The following CCDC6 variants were observed in gnomAD, a reference collection of about 807,000 sequenced individuals.
CCDC6 encodes coiled-coil domain containing 6, also known as coiled-coil domain-containing protein 6.
A neutral mutation model predicts 56.6 loss-of-function variants in CCDC6; 20 were observed. The ratio of observed to expected loss-of-function variants is 0.35; its 90% CI spans 0.25 to 0.51. CCDC6 has a LOEUF of 0.51. Among genes scored for constraint, CCDC6 ranks in the 20% least tolerant of loss-of-function variants. The probability of loss-of-function intolerance (pLI) is 0.95; values close to 1 mark genes in which losing one functional copy is unlikely to be tolerated. For synonymous variants in CCDC6, 241 were observed against 234.4 expected (o/e 1.03, Z -0.26); for missense variants, 367 against 601.1 (o/e 0.61, Z 4.07).
At chr10:59,883,821 T>A in intron 1 of CCDC6, among the ~76,000 whole-genome samples, 1 of 152,234 alleles carries the variant, frequency 6.6e-6, no homozygotes, top group Non-Finnish European at 1.5e-5. Flanking sequence ...GAGCCTGCTT[T>A]AAGAAACTCT....
Position 59,790,828 on chromosome 10 carries a change from T to C in CCDC6, c.*2089A>G, listed in dbSNP as rs1227848221. On this transcript the variant is annotated 3_prime_UTR_variant, in exon 9 of 9. Transcript: ENST00000263102. ...TTCAACATATGGCAATGTTTTAATT[T>C]TTGTGCTTTCAAGAGGTAACTAAAT... is the stretch of plus-strand genomic sequence containing the variant. 1.9e-5 allele frequency: 4 copies of C among 212,672 alleles called. No homozygotes were observed. 13.2% of individuals were successfully genotyped at this position (212,672 alleles called of 1,614,324 possible).
intron 5 of CCDC6, among the ~76,000 whole-genome samples, chr10:59,807,572 A>G (rs1320054534): frequency 6.6e-6 from 1 of 152,218 alleles, no homozygotes; most frequent in East Asian, 1.9e-4. Flanking sequence ...CTCAAGTATA[A>G]AAGTTTACCA....
At chr10:59,893,418 G>A (rs1033693149) in intron 1 of CCDC6, among the ~76,000 whole-genome samples, 1 of 152,036 alleles carries the variant, frequency 6.6e-6, no homozygotes, top group Non-Finnish European at 1.5e-5. Context: ...GGGCAACCAT[G>A]TGAAACCATG....
rs563848975 is a variant in CCDC6 at position 59,905,569 on chromosome 10, G to T, written c.303+553C>A. On this transcript the variant is annotated intron_variant, in intron 1 of 8. Transcript: ENST00000263102. ...TACCCGCCCTTCCCTCTCGATCCCG[G>T]CCAGAAAACTCCACTTCCCGGATTC... 2.0e-5 allele frequency among the ~76,000 whole-genome samples: 3 copies of T among 152,186 alleles called. No individual in the cohort carries two copies. In the South Asian group the frequency reaches 6.2e-4, roughly 32 times the overall value.
chr10:59,886,467 T>C (rs1377970788), intron 1 of CCDC6, among the ~76,000 whole-genome samples: 1 of 152,220 alleles, frequency 6.6e-6, no homozygotes, highest in African/African-American at 2.4e-5. Flanking sequence ...TTTAAAAGAA[T>C]ATCTGGCATC....
chr10:59,852,478 G>A, intron 2 of CCDC6, 75 bp downstream of exon 2: 1 of 1,217,278 alleles, frequency 8.2e-7, no homozygotes, highest in East Asian at 2.5e-5. Flanking sequence ...TACAAGCAAA[G>A]TGCTATATCA....
intron 2 of CCDC6, among the ~76,000 whole-genome samples, chr10:59,847,537 G>A (rs1160122284): frequency 6.6e-6 from 1 of 152,104 alleles, no homozygotes; most frequent in African/African-American, 2.4e-5. Context: ...GGGGGGTTCA[G>A]TGCACTGCTG....
intron 3 of CCDC6, among the ~76,000 whole-genome samples, chr10:59,818,708 T>C (rs901410292): frequency 6.6e-6 from 1 of 152,132 alleles, no homozygotes; most frequent in Non-Finnish European, 1.5e-5. Flanking sequence ...CAGGATTGGG[T>C]CCTGCTTTGT....
rs138045662 is a variant in CCDC6 at position 59,798,908 on chromosome 10, C to T, written c.1106-4311G>A. Among the ~76,000 whole-genome samples, 394 of 145,828 alleles carry T rather than the reference C, an allele frequency of 2.7e-3. 4 individuals are homozygous for T. Among genetic ancestry groups the T allele is most frequent in the African/African-American group, 9.0e-3 (352 of 39,234 alleles). The stretch of plus-strand genomic sequence containing the variant: ...ACTCAGGAGGCTGAGGCAGGAGAAT[C>T]GCTTGAATCTGGGAGGTGGAGTTTA... On this transcript the variant is annotated intron_variant, in intron 7 of 8. Coordinates refer to ENST00000263102, the MANE Select transcript of CCDC6 (RefSeq NM_005436.5).
intron 2 of CCDC6, among the ~76,000 whole-genome samples, chr10:59,852,348 G>A (rs570940595): frequency 1.3e-5 from 2 of 152,254 alleles, no homozygotes; most frequent in East Asian, 3.9e-4. Context: ...GTACAAAATA[G>A]CTTACCTAAC....
chr10:59,840,918 T>C (rs931692701), intron 2 of CCDC6, among the ~76,000 whole-genome samples: 2 of 152,232 alleles, frequency 1.3e-5, no homozygotes, highest in East Asian at 3.8e-4. Context: ...CCTTCTAATA[T>C]GCATTGCTCC....
chr10:59,844,768 G>C (rs973452639), intron 2 of CCDC6, among the ~76,000 whole-genome samples: 3 of 150,460 alleles, frequency 2.0e-5, no homozygotes, highest in Non-Finnish European at 4.4e-5. Context: ...AAAAAAGAGA[G>C]AGAGAGAGAG....
intron 1 of CCDC6, among the ~76,000 whole-genome samples, chr10:59,888,151 A>G (rs545387336): frequency 6.6e-6 from 1 of 152,360 alleles, no homozygotes; most frequent in East Asian, 1.9e-4. Context: ...TACTGCTCAC[A>G]GCTTCCTGTC....
At chr10:59,822,384 C>G (rs56330449) in intron 3 of CCDC6, among the ~76,000 whole-genome samples, 29,892 of 152,048 alleles carry the variant, frequency 0.2, 3,622 homozygotes, top group Middle Eastern at 0.29. Flanking sequence ...ACTTTAACAT[C>G]AACATAATAT....
At chr10:59,840,629 T>C (rs546659292) in intron 2 of CCDC6, among the ~76,000 whole-genome samples, 99 of 152,346 alleles carry the variant, frequency 6.5e-4, no homozygotes, top group Middle Eastern at 6.8e-3. Flanking sequence ...GTTCTCTCCA[T>C]ATGGAAGCCC....
At chr10:59,796,393 G>T (rs1458054300) in intron 7 of CCDC6, among the ~76,000 whole-genome samples, 3 of 151,214 alleles carry the variant, frequency 2.0e-5, no homozygotes, top group Non-Finnish European at 4.4e-5. Flanking sequence ...AGATGAGTAG[G>T]TTGCAAAAAT....
At chr10:59,809,043 A>G (rs910546479) in intron 5 of CCDC6, among the ~76,000 whole-genome samples, 1 of 152,246 alleles carries the variant, frequency 6.6e-6, no homozygotes, top group African/African-American at 2.4e-5. Context: ...AAATATTTAC[A>G]AAGTACACTT....
intron 1 of CCDC6, among the ~76,000 whole-genome samples, chr10:59,863,037 C>A (rs2071147666): frequency 6.6e-6 from 1 of 151,848 alleles, no homozygotes; most frequent in South Asian, 2.1e-4. Context: ...GCAATGAAAT[C>A]AAAAGAAATA....
intron 7 of CCDC6, among the ~76,000 whole-genome samples, chr10:59,800,629 A>T (rs1432537677): frequency 2.8e-5 from 4 of 142,812 alleles, no homozygotes; most frequent in Non-Finnish European, 4.5e-5. Context: ...TTTTTTTTTA[A>T]ACCTGCTTCT....
Sources: gnomAD v4.1 joint callset for allele counts (sites outside exome capture counted in the v4.1 genomes callset) on GRCh38, gnomAD v4.1.1 for gene constraint, MANE v1.5 for transcripts, NCBI Gene and HGNC (gene_info 2026-07-23, HGNC 2026-07-21) for gene names.